The following BLTP1 variants were observed in gnomAD, a reference collection of about 807,000 sequenced individuals.
BLTP1 encodes the protein fragile site-associated protein.
the BLTP1 span, among the ~76,000 whole-genome samples, chr4:122,195,139 G>C: frequency 6.6e-6 from 1 of 152,110 alleles, no homozygotes; most frequent in South Asian, 2.1e-4. Context: ...AATCTCAGCT[G>C]TTTTGCTATT....
At chr4:122,264,300 C>G in the BLTP1 span, 1 of 1,609,314 alleles carries the variant, frequency 6.2e-7, no homozygotes, top group Admixed American at 1.7e-5. Context: ...GATTTCAACA[C>G]TGTCTTGTCT....
At chr4:122,287,407 G>T in the BLTP1 span, 1 of 170,694 alleles carries the variant, frequency 5.9e-6, no homozygotes, top group Admixed American at 6.5e-5. Context: ...CAGGTCATCT[G>T]TTATTTTCCT....
chr4:122,194,037 T>C, the BLTP1 span, among the ~76,000 whole-genome samples: 1 of 152,076 alleles, frequency 6.6e-6, no homozygotes, highest in Non-Finnish European at 1.5e-5. Context: ...TAATTTTTTG[T>C]ATTTTTAGTA....
At chr4:122,272,381 TTTACTC>T in the BLTP1 span, 2 of 1,612,680 alleles carry the variant, frequency 1.2e-6, no homozygotes, top group South Asian at 1.1e-5. Flanking sequence ...CCATGGCAGT[TTTACTC>T]TTAAGGAAAA....
the BLTP1 span, chr4:122,205,967 T>C: frequency 1.5e-3 from 1,498 of 984,996 alleles, 15 homozygotes; most frequent in African/African-American, 0.025. Flanking sequence ...GATAAAGTTG[T>C]ACAAACTGCT....
At chr4:122,213,415 A>G in the BLTP1 span, among the ~76,000 whole-genome samples, 1 of 152,042 alleles carries the variant, frequency 6.6e-6, no homozygotes, top group African/African-American at 2.4e-5. Flanking sequence ...TGGAAGTTCA[A>G]AAATGTATAT....
At chr4:122,310,943 A>C in the BLTP1 span, 3 of 925,104 alleles carry the variant, frequency 3.2e-6, no homozygotes, top group South Asian at 1.5e-4. Flanking sequence ...AGAAATCTTT[A>C]TAGATTTATT....
At chr4:122,167,964 T>C in the BLTP1 span, 1 of 872,228 alleles carries the variant, frequency 1.1e-6, no homozygotes, top group African/African-American at 1.8e-5. Flanking sequence ...AAGGAATTGG[T>C]GATATACTAC....
the BLTP1 span, chr4:122,226,563 C>T: frequency 6.8e-6 from 10 of 1,463,126 alleles, no homozygotes; most frequent in South Asian, 1.0e-4. Context: ...AAATCATTGG[C>T]TAACAAGTTG....
At chr4:122,256,243 GAA>G in the BLTP1 span, 46 of 866,176 alleles carry the variant, frequency 5.3e-5, no homozygotes, top group Admixed American at 6.2e-5. Flanking sequence ...TGTTGGATTT[GAA>G]AAAGACACTT....
the BLTP1 span, chr4:122,276,867 A>G: frequency 1.0e-6 from 1 of 981,834 alleles, no homozygotes; most frequent in Non-Finnish European, 1.2e-6. Flanking sequence ...GACCTCTGAT[A>G]GAGCTACTGT....
the BLTP1 span, chr4:122,315,419 A>C: frequency 6.2e-7 from 1 of 1,609,122 alleles, no homozygotes. Flanking sequence ...TTCAATTTCT[A>C]TACCCAGGAC....
the BLTP1 span, among the ~76,000 whole-genome samples, chr4:122,330,652 C>G: frequency 1.6e-4 from 24 of 152,014 alleles, no homozygotes; most frequent in African/African-American, 5.1e-4. Flanking sequence ...ATATTTTCTC[C>G]CATTCCATGG....
At chr4:122,342,155 G>A in the BLTP1 span, among the ~76,000 whole-genome samples, 1 of 152,110 alleles carries the variant, frequency 6.6e-6, no homozygotes, top group Non-Finnish European at 1.5e-5. Context: ...GGCAAGGAGA[G>A]CCATTTCTGC....
the BLTP1 span, among the ~76,000 whole-genome samples, chr4:122,354,815 C>A: frequency 2.0e-5 from 3 of 151,448 alleles, no homozygotes; most frequent in South Asian, 6.3e-4. Flanking sequence ...TACAGGTGTG[C>A]GCCACCACGC....
the BLTP1 span, chr4:122,341,819 A>T: frequency 1.0e-6 from 1 of 985,412 alleles, no homozygotes; most frequent in African/African-American, 1.7e-5. Flanking sequence ...AGAAACAAGT[A>T]ATAGCCCAGC....
the BLTP1 span, chr4:122,334,650 A>G: frequency 8.7e-7 from 1 of 1,148,028 alleles, no homozygotes; most frequent in South Asian, 1.6e-5. Flanking sequence ...AGAAAAAAGG[A>G]CATACATTTG....
the BLTP1 span, chr4:122,292,284 C>T: frequency 3.3e-6 from 3 of 912,716 alleles, no homozygotes; most frequent in Non-Finnish European, 2.6e-6. Context: ...ACAGTTTTAT[C>T]TTCAGAGATG....
At chr4:122,264,372 C>T in the BLTP1 span, 1 of 1,611,428 alleles carries the variant, frequency 6.2e-7, no homozygotes. Flanking sequence ...GATGATGTGG[C>T]AGGTGTAGAA....
Sources: gnomAD v4.1 joint callset for allele counts (sites outside exome capture counted in the v4.1 genomes callset) on GRCh38, gnomAD v4.1.1 for gene constraint, MANE v1.5 for transcripts, NCBI Gene and HGNC (gene_info 2026-07-23, HGNC 2026-07-21) for gene names.